The following MAPRE1 variants were observed in gnomAD, a reference collection of about 807,000 sequenced individuals.
The protein encoded by MAPRE1 is microtubule-associated protein RP/EB family member 1.
In MAPRE1, 5 loss-of-function variants were observed where a neutral mutation model predicts 32.1. The ratio of observed to expected loss-of-function variants is 0.16; its 90% confidence interval spans 0.08 to 0.33. MAPRE1 has a LOEUF of 0.33. Ranked by LOEUF, MAPRE1 falls within the 10% of genes least tolerant of loss-of-function variation. The probability of loss-of-function intolerance (pLI) is 1.00; values close to 1 mark genes in which losing one functional copy is unlikely to be tolerated. For missense variants in MAPRE1, 209 were observed against 327.2 expected, an observed-to-expected ratio of 0.64 and a Z score of 2.79; for synonymous variants, 122 against 118.9, an observed-to-expected ratio of 1.03 and a Z score of -0.17.
At chr20:32,839,931 G>A (rs1011091920) in intron 5 of MAPRE1, 75 bp downstream of exon 5, 18 of 1,585,532 alleles carry the variant, frequency 1.1e-5, no homozygotes, top group East Asian at 2.3e-5. Flanking sequence ...TGCCTTATCC[G>A]TGTTCTTAAA....
At chr20:32,827,211 G>A (rs1177378435) in intron 2 of MAPRE1, among the ~76,000 whole-genome samples, 1 of 151,994 alleles carries the variant, frequency 6.6e-6, no homozygotes, top group African/African-American at 2.4e-5. Context: ...TTCAAGACCA[G>A]CTTGGCCGAC....
chr20:32,836,936 G>A, intron 4 of MAPRE1, 95 bp downstream of exon 4: 6 of 1,089,544 alleles, frequency 5.5e-6, no homozygotes, highest in Non-Finnish European at 7.9e-6. Context: ...ATAGGCTTAG[G>A]GATCTTAAGA....
intron 1 of MAPRE1, among the ~76,000 whole-genome samples, chr20:32,821,045 CAG>C (rs1429890906): frequency 7.2e-6 from 1 of 138,480 alleles, no homozygotes; most frequent in African/African-American, 2.7e-5. Flanking sequence ...TTTTTTGAGA[CAG>C]AGTTTTATTC....
At chr20:32,839,891 CG>C in intron 5 of MAPRE1, 35 bp downstream of exon 5, 1 of 1,612,378 alleles carries the variant, frequency 6.2e-7, no homozygotes, top group East Asian at 2.2e-5. Flanking sequence ...TGAGTCACCT[CG>C]GGGGATAGGA....
At chr20:32,848,623 G>A (rs753472590) in intron 6 of MAPRE1, 49 bp from the exon 7 acceptor site, 3 of 1,467,654 alleles carry the variant, frequency 2.0e-6, no homozygotes, top group South Asian at 2.3e-5. Flanking sequence ...TGAACTCACA[G>A]TAGAAATGGA....
chr20:32,844,508 G>A (rs949459913), intron 5 of MAPRE1, among the ~76,000 whole-genome samples: 1 of 122,606 alleles, frequency 8.2e-6, no homozygotes, highest in Admixed American at 1.1e-4. Context: ...TCCGCCTCCC[G>A]GGTTCAAGTG....
At chr20:32,833,909 G>A (rs747070036) in intron 3 of MAPRE1, 47 bp downstream of exon 3, 10 of 1,502,750 alleles carry the variant, frequency 6.7e-6, no homozygotes, top group African/African-American at 4.2e-5. Flanking sequence ...CTTAATGATC[G>A]TTACTAAGGA....
intron 4 of MAPRE1, among the ~76,000 whole-genome samples, chr20:32,838,932 T>C (rs1156391864): frequency 1.3e-5 from 2 of 152,226 alleles, no homozygotes; most frequent in African/African-American, 4.8e-5. Context: ...ATCAGTGATA[T>C]ATATACCTTG....
chr20:32,830,880 C>T (rs1983000058), intron 2 of MAPRE1, among the ~76,000 whole-genome samples: 1 of 152,082 alleles, frequency 6.6e-6, no homozygotes. Flanking sequence ...CCCGCCACCA[C>T]ACCCGGCTAA....
At chr20:32,834,649 T>C (rs1601165834) in intron 3 of MAPRE1, among the ~76,000 whole-genome samples, 1 of 152,094 alleles carries the variant, frequency 6.6e-6, no homozygotes, top group Admixed American at 6.5e-5. Context: ...TTTAGTTTTG[T>C]CTCTACAATA....
At chr20:32,837,666 C>A (rs971220822) in intron 4 of MAPRE1, among the ~76,000 whole-genome samples, 1 of 152,090 alleles carries the variant, frequency 6.6e-6, no homozygotes, top group Non-Finnish European at 1.5e-5. Flanking sequence ...AATGGAGAGA[C>A]AATTCGCATG....
intron 5 of MAPRE1, among the ~76,000 whole-genome samples, chr20:32,845,758 G>A (rs181514810): frequency 8.7e-4 from 132 of 152,208 alleles, no homozygotes; most frequent in African/African-American, 2.9e-3. Flanking sequence ...GCTGAGACGC[G>A]TGCGCCACTC....
chr20:32,821,236 C>CG (rs1315513116), intron 1 of MAPRE1, among the ~76,000 whole-genome samples: 1 of 152,152 alleles, frequency 6.6e-6, no homozygotes, highest in Non-Finnish European at 1.5e-5. Flanking sequence ...AGGCTGTTGT[C>CG]GAACTCCTGA....
intron 2 of MAPRE1, among the ~76,000 whole-genome samples, chr20:32,831,464 CTTTTT>C (rs76802491): frequency 7.4e-6 from 1 of 136,018 alleles, no homozygotes; most frequent in Admixed American, 7.4e-5. Flanking sequence ...AAGTTGTTGA[CTTTTT>C]TTTTTTTTAA....
chr20:32,849,798 G>C lies in MAPRE1; in HGVS notation c.*1070G>C, dbSNP rs563213207. On this transcript the variant is annotated 3_prime_UTR_variant, in exon 7 of 7. Transcript: ENST00000375571. ...CCATCGTTACCTTGGGATCTGCCAG[G>C]CTGGGGTGTTTTCGGTATCTGCTGT... is the stretch of plus-strand genomic sequence containing the variant. 1 of 152,724 alleles carries C rather than the reference G, an allele frequency of 6.5e-6. No homozygotes were observed. The highest frequency in any genetic ancestry group is 2.1e-4 in the South Asian group (1 of 4,820). The allele number at this position is 152,724 out of a possible 1,614,324, so 9.5% of individuals were successfully genotyped here.
intron 4 of MAPRE1, 90 bp downstream of exon 4, chr20:32,836,931 C>G: frequency 9.1e-7 from 1 of 1,101,594 alleles, no homozygotes; most frequent in Non-Finnish European, 1.3e-6. Flanking sequence ...TAGCCATAGG[C>G]TTAGGGATCT....
intron 1 of MAPRE1, 34 bp from the exon 2 acceptor site, chr20:32,825,891 A>G (rs1370990111): frequency 6.5e-7 from 1 of 1,546,906 alleles, no homozygotes; most frequent in East Asian, 2.3e-5. Context: ...GCCTAATGTA[A>G]CACAGGCCCT....
chr20:32,820,199 G>T (rs1203840918), intron 1 of MAPRE1, among the ~76,000 whole-genome samples, 171 bp downstream of exon 1: 1 of 151,366 alleles, frequency 6.6e-6, no homozygotes, highest in Non-Finnish European at 1.5e-5. Context: ...CGCGGGCTGG[G>T]CCTGGGGGCG....
chr20:32,847,159 T>C (rs1337737366), intron 6 of MAPRE1, among the ~76,000 whole-genome samples: 1 of 152,224 alleles, frequency 6.6e-6, no homozygotes, highest in African/African-American at 2.4e-5. Flanking sequence ...AGCAGGCACA[T>C]GCTCCCTTTT....
Sources: gnomAD v4.1 joint callset for allele counts (sites outside exome capture counted in the v4.1 genomes callset) on GRCh38, gnomAD v4.1.1 for gene constraint, MANE v1.5 for transcripts, NCBI Gene and HGNC (gene_info 2026-07-23, HGNC 2026-07-21) for gene names.